The following UMAD1 variants were observed in gnomAD, a reference collection of about 807,000 sequenced individuals.
The protein encoded by UMAD1 is UBAP1-MVB12-associated (UMA)-domain containing protein 1.
Under a neutral mutation model 6.1 loss-of-function variants are expected in UMAD1, and 8 were observed. The observed-to-expected ratio is 1.30, with a 90% CI of 0.76 to 2.35. The LOEUF is 2.35. Ranked by LOEUF, UMAD1 falls within the 30% of genes most tolerant of loss-of-function variation. The pLI, the probability that UMAD1 is intolerant of heterozygous loss-of-function variation, is 0.00. For synonymous variants in UMAD1, 56 were observed against 31.4 expected (o/e 1.78, Z -2.61); for missense variants, 130 against 78.4 (o/e 1.66, Z -2.49).
At chr7:7,723,861 TA>T (rs1208662686) in intron 2 of UMAD1, among the ~76,000 whole-genome samples, 1 of 140,900 alleles carries the variant, frequency 7.1e-6, no homozygotes, top group Non-Finnish European at 1.6e-5. Context: ...ATTGGCTAAT[TA>T]ATCACGGTGT....
chr7:7,767,150 ACT>A (rs1563189725), intron 2 of UMAD1, among the ~76,000 whole-genome samples: 5 of 96,358 alleles, frequency 5.2e-5, no homozygotes, highest in South Asian at 3.4e-4. Context: ...TTTGAGACGG[ACT>A]CTCACTCTGT....
chr7:7,649,969 T>G (rs1349362716), intron 1 of UMAD1, among the ~76,000 whole-genome samples: 2 of 152,238 alleles, frequency 1.3e-5, no homozygotes, highest in African/African-American at 2.4e-5. Context: ...GGAGCTTTGA[T>G]CTTACACTTT....
chr7:7,657,229 T>A (rs1199348103), intron 1 of UMAD1, among the ~76,000 whole-genome samples: 1 of 150,284 alleles, frequency 6.7e-6, no homozygotes, highest in African/African-American at 2.4e-5. Flanking sequence ...GTCAGATGGA[T>A]AGATCACAAA....
Position 7,746,082 on chromosome 7 carries a change from G to GT in UMAD1, c.83-55587dup, listed in dbSNP as rs1781568039. ...CTTCTTTTCCTCTCCCATTAGCATA[G>GT]TACTGTTAAACCTTGCGTCTTGATT... On this transcript the variant is annotated intron_variant, in intron 2 of 3. Coordinates refer to ENST00000682710, the MANE Select transcript of UMAD1 (RefSeq NM_001302348.2). Among the ~76,000 whole-genome samples, 3 of 152,246 alleles carry GT rather than the reference G, an allele frequency of 2.0e-5. No homozygotes were observed. The Middle Eastern group carries it at 0.01, about 518-fold the overall frequency.
chr7:7,797,736 T>A (rs928393794), intron 2 of UMAD1, among the ~76,000 whole-genome samples: 4 of 151,856 alleles, frequency 2.6e-5, no homozygotes, highest in Non-Finnish European at 5.9e-5. Context: ...TTGCCCAGGC[T>A]GGAGTGCAGT....
chr7:7,701,026 G>C (rs1289711354), intron 2 of UMAD1, among the ~76,000 whole-genome samples: 1 of 152,168 alleles, frequency 6.6e-6, no homozygotes, highest in Non-Finnish European at 1.5e-5. Flanking sequence ...CTCCAGCATG[G>C]GCAACAGAGG....
At position 7,658,338 on chromosome 7, in the gene UMAD1, T is replaced by C. The variant is rs566740339; in HGVS notation, c.-63-14971T>C. On this transcript the variant is annotated intron_variant, in intron 1 of 3. Coordinates refer to ENST00000682710, the MANE Select transcript of UMAD1 (RefSeq NM_001302348.2). ...GCCTGATGGCCCTGGCCAGAACTTC[T>C]AATACTGTGTTGAATAGGAGTGGTG... Among the ~76,000 whole-genome samples the C allele has an allele frequency of 6.2e-4, 95 of 152,314 alleles. 1 individual carries two copies. In the South Asian group the frequency reaches 0.019, roughly 31 times the overall value.
chr7:7,834,314 T>G (rs1480325725), intron 3 of UMAD1, among the ~76,000 whole-genome samples: 2 of 152,140 alleles, frequency 1.3e-5, no homozygotes, highest in African/African-American at 4.8e-5. Context: ...TGAGCCACCA[T>G]GCCTGGCCTA....
intron 2 of UMAD1, among the ~76,000 whole-genome samples, chr7:7,745,288 C>T (rs764393807): frequency 1.1e-4 from 16 of 152,158 alleles, no homozygotes; most frequent in Non-Finnish European, 2.2e-4. Context: ...TAGTGTACAC[C>T]TGCAGTTCAA....
rs373682128 is a variant in UMAD1, at chr7:7,780,617, C to T, written c.83-21053C>T. Among the ~76,000 whole-genome samples, 5 of 152,318 alleles carry T rather than the reference C, an allele frequency of 3.3e-5. No homozygotes were observed. The East Asian group carries it at 5.8e-4, about 18-fold the overall frequency. The stretch of plus-strand genomic sequence containing the variant: ...AATCCTAGAATCTCCTCCCAACCCA[C>T]TCCTTTCAGTCACTTCATCCAACTT... On this transcript the variant is annotated intron_variant, in intron 2 of 3. Coordinates refer to ENST00000682710, the MANE Select transcript of UMAD1 (RefSeq NM_001302348.2).
At chr7:7,756,397 T>TA (rs1781776737) in intron 2 of UMAD1, among the ~76,000 whole-genome samples, 1 of 152,186 alleles carries the variant, frequency 6.6e-6, no homozygotes, top group African/African-American at 2.4e-5. Context: ...TATCCTGGCT[T>TA]AAATGAAAAA....
At chr7:7,770,714 G>A (rs1782083214) in intron 2 of UMAD1, among the ~76,000 whole-genome samples, 1 of 152,090 alleles carries the variant, frequency 6.6e-6, no homozygotes, top group African/African-American at 2.4e-5. Context: ...AGAAAGTACA[G>A]AATGAGGAGG....
chr7:7,669,773 T>G (rs1176854183), intron 1 of UMAD1, among the ~76,000 whole-genome samples: 1 of 152,214 alleles, frequency 6.6e-6, no homozygotes, highest in Non-Finnish European at 1.5e-5. Context: ...GATGCCTTTG[T>G]AATAATTTCG....
At chr7:7,822,855 A>G (rs935042967) in intron 3 of UMAD1, among the ~76,000 whole-genome samples, 2 of 151,728 alleles carry the variant, frequency 1.3e-5, no homozygotes, top group African/African-American at 4.8e-5. Context: ...CTTCTCTGTC[A>G]TTTATAATGA....
At chr7:7,676,918 G>A (rs888970589) in intron 2 of UMAD1, among the ~76,000 whole-genome samples, 1 of 151,990 alleles carries the variant, frequency 6.6e-6, no homozygotes, top group Non-Finnish European at 1.5e-5. Flanking sequence ...GATTTGCTCT[G>A]CTAGGTTTCT....
intron 2 of UMAD1, among the ~76,000 whole-genome samples, chr7:7,721,386 A>C (rs1781045938): frequency 6.6e-6 from 1 of 152,134 alleles, no homozygotes; most frequent in East Asian, 1.9e-4. Flanking sequence ...TTGTGGTCAA[A>C]TTTGAATTCT....
At chr7:7,857,839 G>A (rs1401692559) in intron 3 of UMAD1, among the ~76,000 whole-genome samples, 5 of 152,138 alleles carry the variant, frequency 3.3e-5, no homozygotes, top group Admixed American at 2.6e-4. Flanking sequence ...TTGTTTGTTT[G>A]TTTTGGGAGA....
chr7:7,789,106 C>G (rs1008703326), intron 2 of UMAD1, among the ~76,000 whole-genome samples: 4 of 152,126 alleles, frequency 2.6e-5, no homozygotes, highest in Admixed American at 2.0e-4. Flanking sequence ...TATATATCAA[C>G]AAAAACAACA....
intron 1 of UMAD1, among the ~76,000 whole-genome samples, chr7:7,670,417 A>G (rs1779577272): frequency 6.6e-6 from 1 of 152,202 alleles, no homozygotes; most frequent in Non-Finnish European, 1.5e-5. Context: ...GGCAAGTCAC[A>G]TGGCCACATC....
Sources: allele counts gnomAD v4.1 joint callset (sites outside exome capture counted in the v4.1 genomes callset), GRCh38; gene constraint gnomAD v4.1.1; transcripts MANE v1.5; gene names NCBI Gene and HGNC (gene_info 2026-07-23, HGNC 2026-07-21).